The following KCTD8 variants were observed in gnomAD, a reference collection of about 807,000 sequenced individuals.
The protein encoded by KCTD8 is potassium channel tetramerization domain containing 8.
Under a neutral mutation model 31.5 loss-of-function variants are expected in KCTD8, and 27 were observed. The ratio of observed to expected loss-of-function variants is 0.86; its 90% CI spans 0.63 to 1.18. The LOEUF (loss-of-function observed/expected upper bound fraction) is 1.18, where lower values mean the gene tolerates loss of function less well. KCTD8 is among the 50% of genes most tolerant of loss of function. The pLI, the probability that KCTD8 is intolerant of heterozygous loss-of-function variation, is 0.00. For synonymous variants in KCTD8, 290 were observed against 280.0 expected (o/e 1.04, Z -0.36); for missense variants, 658 against 647.7 (o/e 1.02, Z -0.17).
chr4:44,395,078 C>G (rs1720463788), intron 1 of KCTD8, among the ~76,000 whole-genome samples: 1 of 152,048 alleles, frequency 6.6e-6, no homozygotes, highest in Non-Finnish European at 1.5e-5. Context: ...AAAAGTTTTC[C>G]TGGGCACATT....
chr4:44,274,277 T>C (rs984748936), intron 1 of KCTD8, among the ~76,000 whole-genome samples: 1 of 151,912 alleles, frequency 6.6e-6, no homozygotes, highest in Non-Finnish European at 1.5e-5. Flanking sequence ...CTGAATGGTG[T>C]CATGTGGTTT....
rs539592175 is a variant in KCTD8 at position 44,314,504 on chromosome 4, C to T, written c.961+133059G>A. ...TCCCTAATTACACAAGTTATATATGCTCCTTATACTATGATCCAAGCAATA... is the reference window on the plus strand; with the variant it reads ...TCCCTAATTACACAAGTTATATATGTTCCTTATACTATGATCCAAGCAATA... On this transcript the variant is annotated intron_variant, in intron 1 of 1. Coordinates refer to ENST00000360029, the MANE Select transcript of KCTD8 (RefSeq NM_198353.3). Among the ~76,000 whole-genome samples the T allele has an allele frequency of 5.3e-5, 8 of 152,150 alleles. No homozygotes were observed. The South Asian group carries it at 1.0e-3, about 20-fold the overall frequency.
chr4:44,279,729 G>C (rs899961015), intron 1 of KCTD8, among the ~76,000 whole-genome samples: 30 of 152,064 alleles, frequency 2.0e-4, no homozygotes, highest in African/African-American at 7.2e-4. Flanking sequence ...AGGGTGCAGG[G>C]TCTTTATGGT....
intron 1 of KCTD8, among the ~76,000 whole-genome samples, chr4:44,439,597 A>C (rs1340824490): frequency 6.6e-6 from 1 of 152,170 alleles, no homozygotes; most frequent in African/African-American, 2.4e-5. Context: ...ATTAAACAGT[A>C]ATACCTGTTA....
intron 1 of KCTD8, among the ~76,000 whole-genome samples, chr4:44,200,274 A>G (rs909936907): frequency 2.6e-5 from 4 of 152,018 alleles, no homozygotes; most frequent in Non-Finnish European, 5.9e-5. Flanking sequence ...ATTCCAAAAT[A>G]CCAAGAAGGA....
intron 1 of KCTD8, among the ~76,000 whole-genome samples, chr4:44,330,258 C>T (rs980489337): frequency 1.3e-5 from 2 of 151,848 alleles, no homozygotes; most frequent in Non-Finnish European, 2.9e-5. Flanking sequence ...GGATATCGCA[C>T]TTAATGAAAA....
At chr4:44,267,553 A>T (rs189598591) in intron 1 of KCTD8, among the ~76,000 whole-genome samples, 1 of 152,352 alleles carries the variant, frequency 6.6e-6, no homozygotes, top group Admixed American at 6.5e-5. Context: ...TGAGAGCAGA[A>T]CTGAAGGAAA....
At chr4:44,304,089 T>C (rs1025965756) in intron 1 of KCTD8, among the ~76,000 whole-genome samples, 4 of 152,146 alleles carry the variant, frequency 2.6e-5, no homozygotes, top group African/African-American at 9.7e-5. Flanking sequence ...GGAGTCATTA[T>C]CCAACTTGAG....
intron 1 of KCTD8, among the ~76,000 whole-genome samples, chr4:44,212,564 T>C (rs1328689979): frequency 6.6e-6 from 1 of 152,188 alleles, no homozygotes; most frequent in Non-Finnish European, 1.5e-5. Flanking sequence ...AAAAATCCGC[T>C]ATGTGGACCA....
chr4:44,317,385 G>T lies in KCTD8; in HGVS notation c.961+130178C>A, dbSNP rs994543135. Among the ~76,000 whole-genome samples, 3 of 143,586 alleles carry T rather than the reference G, an allele frequency of 2.1e-5. No homozygotes were observed. The East Asian group carries it at 6.0e-4, about 29-fold the overall frequency. The allele number at this position is 143,586 out of a possible 152,430, so 94.2% of individuals were successfully genotyped here. On this transcript the variant is annotated intron_variant, in intron 1 of 1. Coordinates refer to ENST00000360029, the MANE Select transcript of KCTD8 (RefSeq NM_198353.3). ...CTCCCGAGTAGCTGGGACTACAGGC[G>T]CCCGCCACCGCACCCGGCTAATTTT...
intron 1 of KCTD8, among the ~76,000 whole-genome samples, chr4:44,213,237 T>C (rs1714548209): frequency 2.0e-5 from 3 of 152,104 alleles, no homozygotes; most frequent in Admixed American, 6.5e-5. Context: ...TGCCCAGCCT[T>C]CTTTTTTTTA....
At chr4:44,235,438 T>C (rs572936353) in intron 1 of KCTD8, among the ~76,000 whole-genome samples, 26 of 145,788 alleles carry the variant, frequency 1.8e-4, no homozygotes, top group African/African-American at 6.0e-4. Flanking sequence ...CATAAACATC[T>C]CTCTATCTGT....
intron 1 of KCTD8, among the ~76,000 whole-genome samples, chr4:44,223,906 T>C (rs755460932): frequency 3.3e-5 from 5 of 152,212 alleles, no homozygotes; most frequent in Non-Finnish European, 7.3e-5. Flanking sequence ...AGTTGAGAAG[T>C]TGCAATACAG....
At chr4:44,355,620 T>A (rs1719322688) in intron 1 of KCTD8, among the ~76,000 whole-genome samples, 1 of 152,198 alleles carries the variant, frequency 6.6e-6, no homozygotes, top group Non-Finnish European at 1.5e-5. Context: ...GAAATTGTTC[T>A]CATTTATTTC....
chr4:44,273,571 C>T (rs1333223588), intron 1 of KCTD8, among the ~76,000 whole-genome samples: 1 of 151,834 alleles, frequency 6.6e-6, no homozygotes, highest in Admixed American at 6.6e-5. Context: ...GGAAAGGAGT[C>T]AATTTTCCTA....
chr4:44,380,990 C>T (rs768457396), intron 1 of KCTD8, among the ~76,000 whole-genome samples: 15 of 152,086 alleles, frequency 9.9e-5, no homozygotes, highest in East Asian at 9.7e-4. Flanking sequence ...ATGTCATAAA[C>T]ATTTGTGGAT....
intron 1 of KCTD8, among the ~76,000 whole-genome samples, chr4:44,376,132 G>C (rs1719911479): frequency 6.6e-6 from 1 of 152,120 alleles, no homozygotes; most frequent in Non-Finnish European, 1.5e-5. Context: ...GGATGTACCA[G>C]AAAAGAAAAT....
At chr4:44,320,986 TC>T (rs1718281431) in intron 1 of KCTD8, among the ~76,000 whole-genome samples, 1 of 152,144 alleles carries the variant, frequency 6.6e-6, no homozygotes, top group Non-Finnish European at 1.5e-5. Flanking sequence ...AAAATAGCAT[TC>T]CCAGGTGTAT....
intron 1 of KCTD8, among the ~76,000 whole-genome samples, chr4:44,380,375 G>T (rs1720029972): frequency 6.8e-6 from 1 of 147,928 alleles, no homozygotes; most frequent in Admixed American, 6.8e-5. Flanking sequence ...AATGGAGAAT[G>T]AGTACATGTT....
Sources: gnomAD v4.1 joint callset for allele counts (sites outside exome capture counted in the v4.1 genomes callset) on GRCh38, gnomAD v4.1.1 for gene constraint, MANE v1.5 for transcripts, NCBI Gene and HGNC (gene_info 2026-07-23, HGNC 2026-07-21) for gene names.